The following PDHX variants were observed in gnomAD, a reference collection of about 807,000 sequenced individuals.
PDHX encodes the protein pyruvate dehydrogenase complex component X, also known as pyruvate dehydrogenase protein X component, mitochondrial.
Under a neutral mutation model 55.3 loss-of-function variants are expected in PDHX, and 33 were observed. The ratio of observed to expected loss-of-function variants is 0.60; its 90% CI spans 0.45 to 0.80. The LOEUF (loss-of-function observed/expected upper bound fraction) is 0.80. Among genes scored for constraint, PDHX ranks in the 30% least tolerant of loss-of-function variants. The probability of loss-of-function intolerance (pLI) is 0.00; values close to 1 mark genes in which losing one functional copy is unlikely to be tolerated. For synonymous variants in PDHX, 226 were observed against 219.4 expected (o/e 1.03, Z -0.27); for missense variants, 622 against 619.9 (o/e 1.00, Z -0.04).
intron 9 of PDHX, 43 bp downstream of exon 9, chr11:34,984,771 A>T: frequency 6.4e-7 from 1 of 1,574,532 alleles, no homozygotes; most frequent in Middle Eastern, 1.7e-4. Flanking sequence ...GTTAGCATAT[A>T]CTTTTGGATA....
rs1203325893 is a variant in PDHX at position 34,981,708 on chromosome 11, T to A, written c.1024-2862T>A. Among the ~76,000 whole-genome samples the A allele has an allele frequency of 5.3e-5, 8 of 152,316 alleles. No homozygotes were observed. In the East Asian group the frequency reaches 1.5e-3, roughly 29 times the overall value. Reference sequence around the variant, plus strand: ...GATTGCCATTCTAACTGGTGTGAGATGGTATCTCAGTGTGGTTTTGATTTG... The same window carrying A: ...GATTGCCATTCTAACTGGTGTGAGAAGGTATCTCAGTGTGGTTTTGATTTG... On this transcript the variant is annotated intron_variant, in intron 8 of 10. Coordinates refer to ENST00000227868, the MANE Select transcript of PDHX (RefSeq NM_003477.3).
chr11:34,920,542 G>A (rs1422867088), intron 1 of PDHX, among the ~76,000 whole-genome samples: 1 of 152,132 alleles, frequency 6.6e-6, no homozygotes, highest in Non-Finnish European at 1.5e-5. Flanking sequence ...AAAATCAGGA[G>A]ACTTTACAGA....
chr11:34,941,802 C>G (rs1854491889), intron 2 of PDHX: 1 of 154,496 alleles, frequency 6.5e-6, no homozygotes. Flanking sequence ...TCAGCTCTGG[C>G]AGCTGCCCAT....
At chr11:34,936,386 C>A (rs1854310815) in intron 2 of PDHX, among the ~76,000 whole-genome samples, 1 of 152,130 alleles carries the variant, frequency 6.6e-6, no homozygotes, top group African/African-American at 2.4e-5. Context: ...TGGAATAGAA[C>A]TGCAGTGCTG....
At chr11:34,936,845 A>G (rs1023748963) in intron 2 of PDHX, among the ~76,000 whole-genome samples, 7 of 127,222 alleles carry the variant, frequency 5.5e-5, no homozygotes, top group African/African-American at 2.2e-4. Flanking sequence ...GCTGTAGTGC[A>G]GTGGCCCGAT....
intron 3 of PDHX, among the ~76,000 whole-genome samples, chr11:34,956,060 T>C (rs752174845): frequency 2.0e-5 from 3 of 152,084 alleles, no homozygotes; most frequent in Non-Finnish European, 2.9e-5. Context: ...CTTTTTGACA[T>C]AGTAAAGAAA....
At chr11:34,971,201 A>G (rs1855251228) in intron 7 of PDHX, among the ~76,000 whole-genome samples, 1 of 152,156 alleles carries the variant, frequency 6.6e-6, no homozygotes, top group South Asian at 2.1e-4. Flanking sequence ...TATTTCTTCC[A>G]AAAATCAATT....
At position 34,931,500 on chromosome 11, in the gene PDHX, C is replaced by T; in HGVS notation, c.241+16C>T. ...AAAAAGGAAGGTGAGGAGGTACCTT[C>T]CTAATGTCCTGTGTGCTTTGTTATT... On this transcript the variant is annotated intron_variant, in intron 2 of 10. Transcript: ENST00000227868. 6.9e-7 allele frequency: 1 copy of T among 1,440,596 alleles called. No individual in the cohort carries two copies. Among genetic ancestry groups the T allele is most frequent in the East Asian group, 2.3e-5 (1 of 43,900 alleles). 89.2% of individuals were successfully genotyped at this position (1,440,596 alleles called of 1,614,324 possible).
chr11:34,954,645 C>A (rs1203703628), intron 3 of PDHX, among the ~76,000 whole-genome samples: 9 of 152,176 alleles, frequency 5.9e-5, no homozygotes. Flanking sequence ...CCCCTGTAGT[C>A]TAATCTTGAT....
At chr11:34,993,013 G>A (rs1237930401) in intron 10 of PDHX, among the ~76,000 whole-genome samples, 1 of 152,044 alleles carries the variant, frequency 6.6e-6, no homozygotes, top group Admixed American at 6.6e-5. Context: ...ATAATGTTAG[G>A]TTTTAAATTT....
chr11:34,916,525 G>GGA (rs754980282), upstream of PDHX: 21 of 1,141,774 alleles, frequency 1.8e-5, no homozygotes, highest in Middle Eastern at 2.8e-4. Context: ...TGGGTTGGGG[G>GGA]GCGGGGGTTC....
chr11:34,994,934 T>G lies in PDHX; in HGVS notation c.1268T>G (p.Phe423Cys). ...CCTAGTATTTCCAACTTGGGGATGT[T>G]TGGCATCGACGAATTTACTGCAGTG... ...GSFSISNLGM[F>C]GIDEFTAVIN... The change falls in exon 11 of 11, where the codon TTT (phenylalanine) becomes TGT (cysteine). Residue 423 changes from phenylalanine (F) to cysteine (C), a missense_variant. By Grantham distance (205) the Phe-to-Cys change is radical. Coordinates refer to ENST00000227868, the MANE Select transcript of PDHX (RefSeq NM_003477.3). 6.2e-7 allele frequency: 1 copy of G among 1,613,986 alleles called. No individual in the cohort carries two copies. Among genetic ancestry groups the G allele is most frequent in the Non-Finnish European group, 8.5e-7 (1 of 1,179,892 alleles).
rs185935253 is a variant in PDHX, at chr11:34,961,371, A to G, written c.641+853A>G. Among the ~76,000 whole-genome samples the G allele has an allele frequency of 3.3e-5, 5 of 152,324 alleles. No individual in the cohort carries two copies. The East Asian group carries it at 9.6e-4, about 29-fold the overall frequency. On this transcript the variant is annotated intron_variant, in intron 5 of 10. Coordinates refer to ENST00000227868, the MANE Select transcript of PDHX (RefSeq NM_003477.3). Reference sequence around the variant, plus strand: ...AGTAGGGTAGACAAAGATTAATCAAATAGGCTTATGAACTAATGTAAGATT... The same window carrying G: ...AGTAGGGTAGACAAAGATTAATCAAGTAGGCTTATGAACTAATGTAAGATT...
chr11:34,988,054 AAGT>A (rs2134001939), intron 9 of PDHX, among the ~76,000 whole-genome samples: 1 of 152,338 alleles, frequency 6.6e-6, no homozygotes, highest in African/African-American at 2.4e-5. Flanking sequence ...CTTATTTAAA[AAGT>A]AGAATGTTTA....
chr11:34,959,563 A>G (rs117695616), intron 4 of PDHX, among the ~76,000 whole-genome samples: 2,375 of 151,896 alleles, frequency 0.016, 30 homozygotes, highest in Non-Finnish European at 0.025. Context: ...TAAAATTACC[A>G]TATCATCTAG....
At chr11:34,991,166 T>TCA (rs1208097870) in intron 9 of PDHX, among the ~76,000 whole-genome samples, 2 of 152,208 alleles carry the variant, frequency 1.3e-5, no homozygotes, top group East Asian at 3.8e-4. Context: ...TTTTTAGAAA[T>TCA]CGCTGTGGTC....
intron 3 of PDHX, among the ~76,000 whole-genome samples, chr11:34,957,122 C>G (rs1407508667): frequency 6.6e-6 from 1 of 152,100 alleles, no homozygotes; most frequent in South Asian, 2.1e-4. Context: ...TTTGAAGGCT[C>G]TCAGAAAGAG....
At position 34,937,196 on chromosome 11, in the gene PDHX, C is replaced by T. The variant is rs1324840326; in HGVS notation, c.241+5712C>T. 2.0e-5 allele frequency among the ~76,000 whole-genome samples: 3 copies of T among 152,150 alleles called. 1 individual carries two copies. Among genetic ancestry groups the T allele is most frequent in the South Asian group, 2.1e-4 (1 of 4,828 alleles). On this transcript the variant is annotated intron_variant, in intron 2 of 10. Coordinates refer to ENST00000227868, the MANE Select transcript of PDHX (RefSeq NM_003477.3). ...GATAACTGTAGGCAATTTAAAGTAG[C>T]CTCCTTTTCCTGCTCTCATTTGAAA... is the stretch of plus-strand genomic sequence containing the variant.
Position 34,970,117 on chromosome 11 carries a change from A to G in PDHX, c.817-22A>G, listed in dbSNP as rs561551738. On this transcript the variant is annotated intron_variant, in intron 6 of 10. Coordinates refer to ENST00000227868, the MANE Select transcript of PDHX (RefSeq NM_003477.3). ...TTCTATTCCACTTGTGGTTTAACGG[A>G]CAGGTTGCTGTCTTTTTGCAGGGCA... 13 of 1,611,018 alleles carry G rather than the reference A, an allele frequency of 8.1e-6. No individual in the cohort carries two copies. The South Asian group carries it at 1.2e-4, about 15-fold the overall frequency.
Sources: gnomAD v4.1 joint callset for allele counts (sites outside exome capture counted in the v4.1 genomes callset) on GRCh38, gnomAD v4.1.1 for gene constraint, MANE v1.5 for transcripts, NCBI Gene and HGNC (gene_info 2026-07-23, HGNC 2026-07-21) for gene names.